TEAD1: variants seen among roughly 807,000 people sequenced by gnomAD.
TEAD1 encodes the protein TEA domain transcription factor 1, also known as transcriptional enhancer factor TEF-1.
A neutral mutation model predicts 54.9 loss-of-function variants in TEAD1; 9 were observed. The observed-to-expected ratio is 0.16, with a 90% CI of 0.10 to 0.29. TEAD1 has a LOEUF of 0.29. Among genes scored for constraint, TEAD1 ranks in the 10% least tolerant of loss-of-function variants. TEAD1 has a pLI of 1.00. For missense variants in TEAD1, 387 were observed against 535.9 expected, an observed-to-expected ratio of 0.72 and a Z score of 2.74; for synonymous variants, 200 against 187.8, an observed-to-expected ratio of 1.07 and a Z score of -0.53.
At position 12,941,477 on chromosome 11, in the gene TEAD1, AG is replaced by A. The variant is rs1401297154; in HGVS notation, c.*4256del. 6.6e-6 allele frequency: 1 copy of A among 152,282 alleles called. No individual in the cohort carries two copies. The highest frequency in any genetic ancestry group is 1.5e-5 in the Non-Finnish European group (1 of 68,044). The allele number at this position is 152,282 out of a possible 1,614,324, so 9.4% of individuals were successfully genotyped here. A position where few individuals can be genotyped will look rare whatever the true frequency, so the allele number is the denominator to read the frequency against. On this transcript the variant is annotated 3_prime_UTR_variant, in exon 13 of 13. Transcript: ENST00000527636. ...GTTTCAGTACTGTGGTGGCTTTAGCAGTTGTTTTTGTGCAACTATAAATTAT... is the reference window on the plus strand; with the variant it reads ...GTTTCAGTACTGTGGTGGCTTTAGCATTGTTTTTGTGCAACTATAAATTAT...
At position 12,943,687 on chromosome 11, in the gene TEAD1, C is replaced by T. The variant is rs1324907651; in HGVS notation, c.*6465C>T. 6.6e-6 allele frequency: 1 copy of T among 151,834 alleles called. No individual in the cohort carries two copies. Among genetic ancestry groups the T allele is most frequent in the African/African-American group, 2.4e-5 (1 of 41,310 alleles). 9.4% of individuals were successfully genotyped at this position (151,834 alleles called of 1,614,324 possible). ...CTTCCATGATGAGATTTTTTTTCTC[C>T]TTCCCCTTTCTTTAAGAGAGGCTGA... On this transcript the variant is annotated 3_prime_UTR_variant, in exon 13 of 13. Transcript: ENST00000527636.
At chr11:12,718,418 C>T (rs1944110117) in intron 2 of TEAD1, among the ~76,000 whole-genome samples, 1 of 152,194 alleles carries the variant, frequency 6.6e-6, no homozygotes, top group African/African-American at 2.4e-5. Context: ...AGTTCCCCTG[C>T]AGAGGAAAGG....
chr11:12,677,893 T>C (rs1590043228), intron 2 of TEAD1, among the ~76,000 whole-genome samples: 1 of 152,346 alleles, frequency 6.6e-6, no homozygotes, highest in East Asian at 1.9e-4. Flanking sequence ...TGTTATGTGT[T>C]AATTGTGAGC....
intron 3 of TEAD1, among the ~76,000 whole-genome samples, chr11:12,837,769 CCTT>C (rs1946933469): frequency 1.4e-5 from 1 of 73,782 alleles, no homozygotes; most frequent in African/African-American, 4.4e-5. Flanking sequence ...TCTTCTTCTT[CCTT>C]CTCTTCCTCT....
intron 3 of TEAD1, among the ~76,000 whole-genome samples, chr11:12,832,411 T>C (rs1435598378): frequency 6.6e-6 from 1 of 152,242 alleles, no homozygotes; most frequent in Non-Finnish European, 1.5e-5. Flanking sequence ...CTTAGCAAAG[T>C]GAGAAAAGGC....
chr11:12,851,470 A>G (rs1351558624), intron 3 of TEAD1, among the ~76,000 whole-genome samples: 1 of 152,208 alleles, frequency 6.6e-6, no homozygotes, highest in African/African-American at 2.4e-5. Flanking sequence ...ATCACTTTGT[A>G]AACTTCAAAT....
Position 12,897,843 on chromosome 11 carries a change from G to A in TEAD1, c.700-4097G>A, listed in dbSNP as rs879822909. ...TTTCCCAAATCAACTTTCAAAAAAC[G>A]TTGGTTTAACGGTGTTAGAAAGGCT... On this transcript the variant is annotated intron_variant, in intron 9 of 12. Transcript: ENST00000527636. Among the ~76,000 whole-genome samples, 3 of 152,110 alleles carry A rather than the reference G, an allele frequency of 2.0e-5. 1 individual carries two copies. The highest frequency in any genetic ancestry group is 4.1e-4 in the South Asian group (2 of 4,822).
rs146822173 is a variant in TEAD1 at position 12,762,714 on chromosome 11, A to T, written c.-54-1465A>T. Among the ~76,000 whole-genome samples, 600 of 152,264 alleles carry T rather than the reference A, an allele frequency of 3.9e-3. 5 individuals are homozygous for T. Among genetic ancestry groups the T allele is most frequent in the African/African-American group, 0.014 (568 of 41,532 alleles). ...CCCACTAGTTATAGTTATACCATTA[A>T]TTATATAATATTCATGTGCCTCAGA... On this transcript the variant is annotated intron_variant, in intron 2 of 12. Coordinates refer to ENST00000527636, the MANE Select transcript of TEAD1 (RefSeq NM_021961.6).
chr11:12,924,369 C>A (rs1415285454), intron 10 of TEAD1, among the ~76,000 whole-genome samples: 2 of 152,162 alleles, frequency 1.3e-5, no homozygotes, highest in African/African-American at 2.4e-5. Context: ...CTAGCATGAA[C>A]CTTTCATAGT....
intron 2 of TEAD1, among the ~76,000 whole-genome samples, chr11:12,723,854 A>G (rs1367462256): frequency 6.6e-6 from 1 of 152,184 alleles, no homozygotes; most frequent in African/African-American, 2.4e-5. Flanking sequence ...TTGAGGGTGT[A>G]ATCTTGGCTT....
intron 3 of TEAD1, among the ~76,000 whole-genome samples, chr11:12,774,688 CCT>C (rs1299125852): frequency 6.6e-6 from 1 of 152,176 alleles, no homozygotes; most frequent in Non-Finnish European, 1.5e-5. Flanking sequence ...TTTCTTTCTA[CCT>C]CTCAGCAATG....
chr11:12,711,806 A>G (rs1419397616), intron 2 of TEAD1, among the ~76,000 whole-genome samples: 2 of 152,238 alleles, frequency 1.3e-5, no homozygotes, highest in Non-Finnish European at 2.9e-5. Context: ...TAACAGCTGT[A>G]GCAATGAAGC....
At chr11:12,691,042 C>T (rs150810087) in intron 2 of TEAD1, among the ~76,000 whole-genome samples, 410 of 152,324 alleles carry the variant, frequency 2.7e-3, no homozygotes, top group African/African-American at 9.2e-3. Context: ...TGAGCCATCT[C>T]ACCCAACCCA....
chr11:12,719,203 G>T (rs527537177), intron 2 of TEAD1, among the ~76,000 whole-genome samples: 11 of 152,124 alleles, frequency 7.2e-5, no homozygotes, highest in Middle Eastern at 3.4e-3. Flanking sequence ...AGCTAAACAT[G>T]AGAGCAGTTT....
chr11:12,755,071 T>C (rs1944959849), intron 2 of TEAD1, among the ~76,000 whole-genome samples: 1 of 152,220 alleles, frequency 6.6e-6, no homozygotes, highest in Admixed American at 6.5e-5. Flanking sequence ...AGTGCCAACA[T>C]ATCATTTAAG....
chr11:12,893,987 G>A (rs578066527), intron 9 of TEAD1, among the ~76,000 whole-genome samples: 3 of 152,242 alleles, frequency 2.0e-5, no homozygotes, highest in East Asian at 1.9e-4. Context: ...AGGGGCCACC[G>A]CAGGCTGCCC....
rs150439061 is a variant in TEAD1, at chr11:12,936,776, C to T, written c.1168-333C>T. 5.1e-3 allele frequency among the ~76,000 whole-genome samples: 780 copies of T among 152,182 alleles called. 1 individual carries two copies. The highest frequency in any genetic ancestry group is 0.014 in the Middle Eastern group (4 of 294). On this transcript the variant is annotated intron_variant, in intron 12 of 12. Coordinates refer to ENST00000527636, the MANE Select transcript of TEAD1 (RefSeq NM_021961.6). ...TTTCTTAGAGTAAATGATTGCCTTG[C>T]GGGACAGAATTAAAGAGAATTCTTT... is the stretch of plus-strand genomic sequence containing the variant.
At chr11:12,707,746 A>G (rs1227497532) in intron 2 of TEAD1, among the ~76,000 whole-genome samples, 3 of 152,114 alleles carry the variant, frequency 2.0e-5, no homozygotes, top group Non-Finnish European at 4.4e-5. Context: ...GGTCAGTACT[A>G]TTGTCTGGCA....
intron 3 of TEAD1, chr11:12,848,882 C>T (rs537393027): frequency 6.6e-6 from 1 of 151,922 alleles, no homozygotes; most frequent in Non-Finnish European, 1.5e-5. Context: ...ACCAGGAGGT[C>T]TAGGTGGCAC....
Sources: gnomAD v4.1 joint callset for allele counts (sites outside exome capture counted in the v4.1 genomes callset) on GRCh38, gnomAD v4.1.1 for gene constraint, MANE v1.5 for transcripts, NCBI Gene and HGNC (gene_info 2026-07-23, HGNC 2026-07-21) for gene names.